The following KMT2C variants were observed in gnomAD, a reference collection of about 807,000 sequenced individuals.
KMT2C encodes the protein histone-lysine N-methyltransferase 2C.
In KMT2C, 88 loss-of-function variants were observed where a neutral mutation model predicts 507.9. That is an observed-to-expected ratio of 0.17 (90% confidence interval 0.15 to 0.21). KMT2C has a LOEUF of 0.21. Ranked by LOEUF, KMT2C falls within the 10% of genes least tolerant of loss-of-function variation. The pLI is 1.00. For missense variants in KMT2C, 4,954 were observed against 5,957.8 expected (o/e 0.83, Z 5.55); for synonymous variants, 2,049 against 2,080.8 (o/e 0.98, Z 0.42).
intron 1 of KMT2C, among the ~76,000 whole-genome samples, chr7:152,399,122 C>G (rs953273958): frequency 2.0e-5 from 3 of 152,168 alleles, no homozygotes; most frequent in African/African-American, 4.8e-5. Context: ...CACCACCGCA[C>G]CCAGCCAGTA....
chr7:152,196,778 T>C (rs1289045780), intron 27 of KMT2C, among the ~76,000 whole-genome samples: 1 of 152,116 alleles, frequency 6.6e-6, no homozygotes. Context: ...AGCATAAAAC[T>C]AAATGAGGGA....
intron 1 of KMT2C, among the ~76,000 whole-genome samples, chr7:152,362,654 ATGTTTTGCTCTACTT>A (rs1266623533): frequency 6.6e-6 from 1 of 152,112 alleles, no homozygotes; most frequent in Non-Finnish European, 1.5e-5. Flanking sequence ...TCTCAGACCC[ATGTTTTGCTCTACTT>A]TGAGTTTTTT....
chr7:152,351,321 T>C (rs1463885733), intron 2 of KMT2C, among the ~76,000 whole-genome samples: 2 of 152,214 alleles, frequency 1.3e-5, no homozygotes, highest in African/African-American at 2.4e-5. Context: ...GGGAGTACAC[T>C]GGGTTTGTTT....
At chr7:152,251,539 T>C (rs2095562136) in intron 11 of KMT2C, among the ~76,000 whole-genome samples, 1 of 152,100 alleles carries the variant, frequency 6.6e-6, no homozygotes, top group South Asian at 2.1e-4. Context: ...ATTCCATACC[T>C]GAACAAAATC....
chr7:152,398,567 A>AT (rs1368133402), intron 1 of KMT2C, among the ~76,000 whole-genome samples: 4 of 151,804 alleles, frequency 2.6e-5, no homozygotes, highest in African/African-American at 9.7e-5. Context: ...TTTATTTTAG[A>AT]TAAGAGGCTC....
At chr7:152,386,065 T>A (rs2360210) in intron 1 of KMT2C, among the ~76,000 whole-genome samples, 2 of 150,518 alleles carry the variant, frequency 1.3e-5, no homozygotes, top group African/African-American at 4.9e-5. Flanking sequence ...CCAGCCCGAG[T>A]GACAGAATGA....
intron 16 of KMT2C, 87 bp from the exon 17 acceptor site, chr7:152,230,408 A>G (rs1228930202): frequency 1.7e-6 from 1 of 581,334 alleles, no homozygotes; most frequent in East Asian, 3.0e-5. Flanking sequence ...ATTCATAATC[A>G]AAACATATAT....
chr7:152,239,095 T>G (rs965082713), intron 14 of KMT2C: 1 of 291,506 alleles, frequency 3.4e-6, no homozygotes, highest in South Asian at 4.3e-5. Context: ...TTAAGGTTTA[T>G]AGGACATCAA....
chr7:152,170,853 T>G (rs756736231), intron 40 of KMT2C, among the ~76,000 whole-genome samples: 1 of 152,120 alleles, frequency 6.6e-6, no homozygotes, highest in African/African-American at 2.4e-5. Flanking sequence ...GGTTTAATTC[T>G]AAAATGCAGG....
intron 1 of KMT2C, among the ~76,000 whole-genome samples, chr7:152,393,898 CAAAAAAAAAAAAA>C (rs745616896): frequency 3.1e-5 from 2 of 65,306 alleles, no homozygotes; most frequent in South Asian, 1.0e-3. Flanking sequence ...AACTCCATCT[CAAAAAAAAAAAAA>C]AAAAAAAAAT....
chr7:152,283,953 A>C (rs1268782718), intron 6 of KMT2C, among the ~76,000 whole-genome samples: 1 of 152,140 alleles, frequency 6.6e-6, no homozygotes, highest in Non-Finnish European at 1.5e-5. Context: ...AAACTCAAAA[A>C]AAGATAGAAA....
intron 14 of KMT2C, among the ~76,000 whole-genome samples, chr7:152,244,306 C>A (rs1276621492): frequency 2.0e-5 from 3 of 152,132 alleles, no homozygotes; most frequent in East Asian, 1.9e-4. Context: ...CTAAAATCTA[C>A]CGAGTTGATT....
At chr7:152,256,615 T>C (rs1314844959) in intron 9 of KMT2C, among the ~76,000 whole-genome samples, 2 of 152,158 alleles carry the variant, frequency 1.3e-5, no homozygotes, top group East Asian at 1.9e-4. Context: ...ATCTGCATCA[T>C]GTAACACAGA....
chr7:152,237,100 G>A (rs1359802752), intron 15 of KMT2C, among the ~76,000 whole-genome samples: 2 of 152,022 alleles, frequency 1.3e-5, no homozygotes, highest in East Asian at 1.9e-4. Context: ...AAAAAACCTG[G>A]CACCTCCCTA....
In KMT2C at chr7:152,148,257, G is replaced by A. The variant is rs1335778460; in HGVS notation, c.13670C>T (p.Thr4557Ile). Residue 4557 changes from threonine (T) to isoleucine (I), a missense_variant, in exon 52 of 59, where the codon ACA (threonine) becomes ATA (isoleucine). This residue lies in a region of KMT2C where 221 missense variants were observed against 304.7 expected (regional missense o/e 0.73). Coordinates refer to ENST00000262189, the MANE Select transcript of KMT2C (RefSeq NM_170606.3). The surrounding 1 kb of genome is among the most constrained non-coding windows in gnomAD (Gnocchi z 7.1). The part of the protein sequence containing the change: ...TFRVGSLIFH[T>I]IGQLLPQQMQ... ...CTGCTGTGGAAGCAGCTGACCAATT[G>A]TGTGGAAGATGAGGCTACCCACGCG... 1 of 1,614,148 alleles carries A rather than the reference G, an allele frequency of 6.2e-7. No individual in the cohort carries two copies. The highest frequency in any genetic ancestry group is 8.5e-7 in the Non-Finnish European group (1 of 1,180,058).
intron 6 of KMT2C, among the ~76,000 whole-genome samples, chr7:152,279,984 T>C (rs2096173355): frequency 6.6e-6 from 1 of 152,256 alleles, no homozygotes; most frequent in African/African-American, 2.4e-5. Flanking sequence ...GCCATTAATA[T>C]ATTATATGGC....
At chr7:152,333,607 A>G (rs946273439) in intron 2 of KMT2C, among the ~76,000 whole-genome samples, 1 of 152,306 alleles carries the variant, frequency 6.6e-6, no homozygotes, top group East Asian at 1.9e-4. Flanking sequence ...TTTATCTCTT[A>G]TCGCTCAGAT....
At chr7:152,360,445 T>G (rs2097187323) in intron 1 of KMT2C, among the ~76,000 whole-genome samples, 1 of 151,006 alleles carries the variant, frequency 6.6e-6, no homozygotes, top group South Asian at 2.1e-4. Context: ...ACCATTGCAC[T>G]CCAGCCTGGG....
Position 152,148,630 on chromosome 7 carries a change from C to A in KMT2C, c.13297G>T (p.Ala4433Ser), listed in dbSNP as rs759582255. The change falls in exon 52 of 59, where the codon GCT becomes TCT. Residue 4433 changes from alanine to serine, a missense_variant. By Grantham distance (99) the Ala-to-Ser change is moderately conservative. This residue lies in a region of KMT2C where 39 missense variants were observed against 101.8 expected (regional missense o/e 0.38). Transcript: ENST00000262189. The surrounding 1 kb of genome is among the most constrained non-coding windows in gnomAD (Gnocchi z 7.1). The part of the protein sequence containing the change: ...DLDLWVHLNC[A>S]LWSTEVYETQ... ...TCATAGACCTCCGTGGACCACAGAG[C>A]GCAGTTCAAGTGGACCCACAGATCC... 1.2e-6 allele frequency: 2 copies of A among 1,614,044 alleles called. No homozygotes were observed. The highest frequency in any genetic ancestry group is 1.7e-6 in the Non-Finnish European group (2 of 1,180,032).
Sources: allele counts gnomAD v4.1 joint callset (sites outside exome capture counted in the v4.1 genomes callset), GRCh38; gene constraint gnomAD v4.1.1; regional missense constraint gnomAD v4.1.1; non-coding constraint Gnocchi (gnomAD v3.1); transcripts MANE v1.5; gene names NCBI Gene and HGNC (gene_info 2026-07-23, HGNC 2026-07-21).